Variants in KDM2A observed in about 807,000 individuals in gnomAD.
The protein encoded by KDM2A is lysine-specific demethylase 2A.
KDM2A carries 3 observed loss-of-function variants against 137.3 expected under a neutral mutation model. The ratio of observed to expected loss-of-function variants is 0.02; its 90% confidence interval spans 0.01 to 0.06. The LOEUF is 0.06. Ranked by LOEUF, KDM2A falls within the 10% of genes least tolerant of loss-of-function variation. KDM2A has a pLI of 1.00. For missense variants in KDM2A, 738 were observed against 1,510.6 expected (o/e 0.49, Z 8.48); for synonymous variants, 512 against 541.5 (o/e 0.95, Z 0.76).
At chr11:67,248,689 C>T (rs1859321723) in intron 16 of KDM2A, 2 of 263,958 alleles carry the variant, frequency 7.6e-6, no homozygotes, top group Admixed American at 5.1e-5. Flanking sequence ...GAGTATGATC[C>T]CTCCTGAGGA....
chr11:67,126,320 T>A (rs1855730473), intron 2 of KDM2A, among the ~76,000 whole-genome samples: 1 of 151,390 alleles, frequency 6.6e-6, no homozygotes, highest in South Asian at 2.1e-4. Flanking sequence ...CACACCTATA[T>A]TCCCAGCACT....
At chr11:67,177,369 C>T (rs1162292605) in intron 2 of KDM2A, among the ~76,000 whole-genome samples, 1 of 152,130 alleles carries the variant, frequency 6.6e-6, no homozygotes, top group African/African-American at 2.4e-5. Flanking sequence ...TGTAATAATA[C>T]TTAGCTTAAA....
intron 2 of KDM2A, among the ~76,000 whole-genome samples, chr11:67,154,982 G>A (rs1285137522): frequency 1.3e-5 from 2 of 152,154 alleles, no homozygotes; most frequent in African/African-American, 4.8e-5. Flanking sequence ...ATCAGCATTT[G>A]TGTGTAAATA....
At chr11:67,196,903 G>GA (rs201363212) in intron 5 of KDM2A, 32 of 150,516 alleles carry the variant, frequency 2.1e-4, no homozygotes, top group South Asian at 1.6e-3. Flanking sequence ...TTTACAAGTT[G>GA]AAAAAAAAAT....
intron 2 of KDM2A, among the ~76,000 whole-genome samples, chr11:67,157,433 A>T (rs540324863): frequency 6.6e-6 from 1 of 151,640 alleles, no homozygotes; most frequent in Non-Finnish European, 1.5e-5. Flanking sequence ...AAAGCAAAAA[A>T]ATTCCTGGTT....
chr11:67,168,132 T>A (rs951091188), intron 2 of KDM2A, among the ~76,000 whole-genome samples: 1 of 152,118 alleles, frequency 6.6e-6, no homozygotes, highest in Non-Finnish European at 1.5e-5. Flanking sequence ...TTTATATATA[T>A]CTTATTAATA....
intron 5 of KDM2A, among the ~76,000 whole-genome samples, chr11:67,194,032 CAA>C (rs775188579): frequency 6.6e-6 from 1 of 152,146 alleles, no homozygotes; most frequent in Non-Finnish European, 1.5e-5. Context: ...CTAATCTTGC[CAA>C]AGTTATTTTT....
chr11:67,229,542 G>A (rs1046162214), intron 11 of KDM2A, among the ~76,000 whole-genome samples: 1 of 152,098 alleles, frequency 6.6e-6, no homozygotes, highest in Admixed American at 6.6e-5. Flanking sequence ...TACTTTTACT[G>A]CATAATTTTA....
At chr11:67,198,316 AT>A (rs142427113) in intron 5 of KDM2A, among the ~76,000 whole-genome samples, 4,930 of 142,196 alleles carry the variant, frequency 0.035, 80 homozygotes, top group East Asian at 0.054. Context: ...CAGATAGTGT[AT>A]TTTTTTTTTT....
chr11:67,182,869 TAAAAC>T (rs1471865516), intron 5 of KDM2A, among the ~76,000 whole-genome samples: 2 of 152,244 alleles, frequency 1.3e-5, no homozygotes, highest in East Asian at 1.9e-4. Context: ...CAATAGGACT[TAAAAC>T]AAAGGGACTT....
chr11:67,169,759 C>CTCTCTCTCT (rs756503460), intron 2 of KDM2A, among the ~76,000 whole-genome samples: 5,983 of 65,676 alleles, frequency 0.091, 370 homozygotes, highest in East Asian at 0.14. Context: ...CTCTCTCTCT[C>CTCTCTCTCT]TTTTTTTTTT....
intron 17 of KDM2A, 183 bp from the exon 18 acceptor site, chr11:67,252,511 G>T (rs1475527622): frequency 3.1e-6 from 2 of 645,158 alleles, no homozygotes; most frequent in South Asian, 3.5e-5. Context: ...TCTAGTTGTT[G>T]TAGAGTTCAA....
intron 2 of KDM2A, among the ~76,000 whole-genome samples, chr11:67,129,034 G>T (rs1445420223): frequency 6.6e-6 from 1 of 152,194 alleles, no homozygotes; most frequent in African/African-American, 2.4e-5. Flanking sequence ...GATGAGCTAT[G>T]ACTGTGCCAG....
intron 15 of KDM2A, 131 bp from the exon 16 acceptor site, chr11:67,248,150 G>C: frequency 1.5e-6 from 1 of 675,472 alleles, no homozygotes; most frequent in Non-Finnish European, 2.6e-6. Flanking sequence ...TTTGGGGCTG[G>C]ATTGCTCACA....
chr11:67,242,888 GTTGCC>G, intron 12 of KDM2A, 116 bp from the exon 13 acceptor site: 1 of 682,744 alleles, frequency 1.5e-6, no homozygotes, highest in Non-Finnish European at 2.7e-6. Context: ...AATACAGACA[GTTGCC>G]ACCCTGCCTC....
At chr11:67,221,408 CAATT>C (rs1322903663) in intron 10 of KDM2A, among the ~76,000 whole-genome samples, 9 of 152,090 alleles carry the variant, frequency 5.9e-5, no homozygotes, top group South Asian at 2.1e-4. Context: ...TTTAAAATAA[CAATT>C]AATGAAGAAT....
intron 2 of KDM2A, among the ~76,000 whole-genome samples, chr11:67,161,656 A>C (rs1449833701): frequency 6.6e-6 from 1 of 152,208 alleles, no homozygotes; most frequent in Non-Finnish European, 1.5e-5. Context: ...TCATGCTTTA[A>C]GATGATCTGG....
At chr11:67,216,519 G>A (rs1449294885) in intron 8 of KDM2A, among the ~76,000 whole-genome samples, 1 of 152,160 alleles carries the variant, frequency 6.6e-6, no homozygotes, top group Non-Finnish European at 1.5e-5. Flanking sequence ...TAATACCCGA[G>A]GTTTATAGTA....
chr11:67,190,758 A>T (rs1265460052), intron 5 of KDM2A, among the ~76,000 whole-genome samples: 1 of 148,200 alleles, frequency 6.7e-6, no homozygotes, highest in Non-Finnish European at 1.5e-5. Context: ...GAGACTCTTT[A>T]AAAAAAAAAA....
Sources: allele counts gnomAD v4.1 joint callset (sites outside exome capture counted in the v4.1 genomes callset), GRCh38; gene constraint gnomAD v4.1.1; transcripts MANE v1.5; gene names NCBI Gene and HGNC (gene_info 2026-07-23, HGNC 2026-07-21).